The following PROC variants were observed in gnomAD, a reference collection of about 807,000 sequenced individuals.
The protein encoded by PROC is vitamin K-dependent protein C.
In PROC, 22 loss-of-function variants were observed where a neutral mutation model predicts 36.3. The ratio of observed to expected loss-of-function variants is 0.61; its 90% CI spans 0.43 to 0.86. PROC has a LOEUF of 0.86. Among genes scored for constraint, PROC ranks in the 40% least tolerant of loss-of-function variants. The probability of loss-of-function intolerance (pLI) is 0.00; values close to 1 mark genes in which losing one functional copy is unlikely to be tolerated. For synonymous variants in PROC, 218 were observed against 244.5 expected, an observed-to-expected ratio of 0.89 and a Z score of 1.01; for missense variants, 526 against 629.7, an observed-to-expected ratio of 0.84 and a Z score of 1.76.
In PROC at chr2:127,428,537, C is replaced by T; in HGVS notation, c.977C>T (p.Ala326Val). The change falls in exon 9 of 9, where the codon GCA (alanine) becomes GTA (valine). Residue 326 changes from alanine (A) to valine (V), a missense_variant. Transcript: ENST00000234071. ...ATCTGCCTCCCGGACAGCGGCCTTG[C>T]AGAGCGCGAGCTCAATCAGGCCGGC... ...VPICLPDSGL[A>V]ERELNQAGQE... The T allele has an allele frequency of 1.2e-6, 2 of 1,613,926 alleles. No individual in the cohort carries two copies. Among genetic ancestry groups the T allele is most frequent in the Non-Finnish European group, 1.7e-6 (2 of 1,180,032 alleles).
chr2:127,419,819 G>A (rs1262676576), intron 1 of PROC, 103 bp from the exon 2 acceptor site: 6 of 1,588,250 alleles, frequency 3.8e-6, no homozygotes, highest in Middle Eastern at 1.7e-4. Context: ...CCGCCCTGAC[G>A]GCCAGCACAC....
chr2:127,425,952 T>G, intron 6 of PROC, 133 bp from the exon 7 acceptor site: 1 of 877,992 alleles, frequency 1.1e-6, no homozygotes, highest in Non-Finnish European at 1.9e-6. Context: ...ATTAATGGAG[T>G]GGTCTAAGTA....
intron 8 of PROC, 23 bp from the exon 9 acceptor site, chr2:127,428,334 T>C (rs1287569191): frequency 6.2e-7 from 1 of 1,611,544 alleles, no homozygotes. Context: ...CAGCCCACTC[T>C]GACTGTGCCC....
rs201463891 is a variant in PROC at position 127,421,410 on chromosome 2, C to T, written c.198C>T (p.Phe66=). The change falls in exon 3 of 9, where the codon TTC becomes TTT. Residue 66 remains phenylalanine (F), a synonymous_variant. Transcript: ENST00000234071. ...ERECIEEICD[F]EEAKEIFQNV... ...AGTGCATAGAGGAGATCTGTGACTT[C>T]GAGGAGGCCAAGGAAATTTTCCAAA... 20 of 1,613,796 alleles carry T rather than the reference C, an allele frequency of 1.2e-5. No individual in the cohort carries two copies. The highest frequency in any genetic ancestry group is 3.3e-5 in the South Asian group (3 of 91,070).
At chr2:127,425,859 G>C (rs1389427542) in intron 6 of PROC, among the ~76,000 whole-genome samples, 1 of 152,174 alleles carries the variant, frequency 6.6e-6, no homozygotes, top group East Asian at 1.9e-4. Context: ...GATGCTGCCT[G>C]GTCTGACTCT....
In PROC at chr2:127,426,212, A is replaced by T. The variant is rs926009782; in HGVS notation, c.663A>T (p.Gly221=). 6.2e-7 allele frequency: 1 copy of T among 1,614,014 alleles called. No individual in the cohort carries two copies. Among genetic ancestry groups the T allele is most frequent in the Non-Finnish European group, 8.5e-7 (1 of 1,180,008 alleles). Residue 221 remains glycine (G), a synonymous_variant, in exon 7 of 9, where the codon GGA becomes GGT. Coordinates refer to ENST00000234071, the MANE Select transcript of PROC (RefSeq NM_000312.4). This position sits in a 1 kb window ranked among gnomAD's most constrained non-coding sequence, Gnocchi z 7.0. ...TTGATGGGAAGATGACCAGGCGGGG[A>T]GACAGCCCCTGGCAGGTGGGAGGCG... The part of the protein sequence containing the change: ...RLIDGKMTRR[G]DSPWQVVLLD...
rs371007615 is a variant in PROC, at chr2:127,428,370, G to A, written c.810G>A (p.Leu270=). The change falls in exon 9 of 9, where the codon CTG becomes CTA. Residue 270 remains leucine (L), a synonymous_variant. Coordinates refer to ENST00000234071, the MANE Select transcript of PROC (RefSeq NM_000312.4). ...KLLVRLGEYD[L]RRWEKWELDL... is the part of the protein sequence containing the mutation. ...TCTGCCCTGCAGGAGAGTATGACCTGCGGCGCTGGGAGAAGTGGGAGCTGG... is the reference window on the plus strand; with the variant it reads ...TCTGCCCTGCAGGAGAGTATGACCTACGGCGCTGGGAGAAGTGGGAGCTGG... 16 of 1,613,910 alleles carry A rather than the reference G, an allele frequency of 9.9e-6. No individual in the cohort carries two copies. In the South Asian group the frequency reaches 1.8e-4, roughly 18 times the overall value.
At chr2:127,419,362 G>A (rs1022646223) in intron 1 of PROC, among the ~76,000 whole-genome samples, 1 of 152,146 alleles carries the variant, frequency 6.6e-6, no homozygotes, top group East Asian at 1.9e-4. Context: ...TGTTTTGAGA[G>A]CTTTATGTGG....
At position 127,429,018 on chromosome 2, in the gene PROC, C is replaced by A. The variant is rs546314105; in HGVS notation, c.*72C>A. Reference sequence around the variant, plus strand: ...ATTAAAGGGACATGTAACAAGCACACCGGCCTGCTGTTCTGTCCTTCCATC... The same window carrying A: ...ATTAAAGGGACATGTAACAAGCACAACGGCCTGCTGTTCTGTCCTTCCATC... On this transcript the variant is annotated 3_prime_UTR_variant, in exon 9 of 9. Transcript: ENST00000234071. 2.0e-5 allele frequency: 30 copies of A among 1,534,530 alleles called. No individual in the cohort carries two copies. In the Admixed American group the frequency reaches 2.4e-4, roughly 12 times the overall value.
intron 6 of PROC, 54 bp downstream of exon 6, chr2:127,423,462 G>A: frequency 6.5e-7 from 1 of 1,533,048 alleles, no homozygotes; most frequent in African/African-American, 1.4e-5. Flanking sequence ...AGGGTGGGCA[G>A]GCCCCCTGAC....
chr2:127,423,823 C>A (rs2069938), intron 6 of PROC, among the ~76,000 whole-genome samples: 1 of 152,242 alleles, frequency 6.6e-6, no homozygotes, highest in South Asian at 2.1e-4. Context: ...CTCTTTACCC[C>A]CTTGCTTCCT....
chr2:127,423,236 C>A (rs1688238769), intron 5 of PROC, 38 bp from the exon 6 acceptor site: 6 of 1,530,182 alleles, frequency 3.9e-6, no homozygotes, highest in South Asian at 1.2e-5. Context: ...GGGGGCGCGG[C>A]ACCAGCACCA....
At position 127,422,896 on chromosome 2, in the gene PROC, C is replaced by T. The variant is rs376231151; in HGVS notation, c.238-21C>T. ...CCGCACACCGGCTGCAGGAGCCTGACGCTGCCCGCTCTCTCCGCAGCTGGC... is the reference window on the plus strand; with the variant it reads ...CCGCACACCGGCTGCAGGAGCCTGATGCTGCCCGCTCTCTCCGCAGCTGGC... On this transcript the variant is annotated intron_variant, in intron 3 of 8. Transcript: ENST00000234071. The T allele has an allele frequency of 8.6e-5, 134 of 1,554,450 alleles. No individual in the cohort carries two copies. In the African/African-American group the frequency reaches 1.6e-3, roughly 19 times the overall value.
intron 3 of PROC, 77 bp downstream of exon 3, chr2:127,421,526 G>A (rs939369547): frequency 3.6e-5 from 55 of 1,548,394 alleles, no homozygotes; most frequent in Non-Finnish European, 4.7e-5. Context: ...GAGCAGGTGG[G>A]GACTCAATGC....
rs1434042239 is a variant in PROC, at chr2:127,423,393, C to T, written c.520C>T (p.Gln174Ter). 3.2e-6 allele frequency: 5 copies of T among 1,550,224 alleles called. No individual in the cohort carries two copies. The highest frequency in any genetic ancestry group is 4.4e-6 in the Non-Finnish European group (5 of 1,147,094). The change falls in exon 6 of 9, where the codon CAG becomes TAG. Residue 174 changes from glutamine (Q) to a stop codon, truncating the protein, a stop_gained. Transcript: ENST00000234071. LOFTEE classifies it high-confidence loss of function. ...CTACAAGCTGGGGGACGACCTCCTGCAGTGTCACCCCGCAGGTGAGAAGCC... is the reference window on the plus strand; with the variant it reads ...CTACAAGCTGGGGGACGACCTCCTGTAGTGTCACCCCGCAGGTGAGAAGCC... ...PGYKLGDDLL[Q>*]CHPAVKFPCG...
rs1688513112 is a variant in PROC, at chr2:127,426,553, G to C, written c.678+326G>C. The C allele has an allele frequency of 4.8e-6, 2 of 414,240 alleles. No individual in the cohort carries two copies. The highest frequency in any genetic ancestry group is 9.1e-6 in the Non-Finnish European group (2 of 220,230). 25.7% of individuals were successfully genotyped at this position (414,240 alleles called of 1,614,324 possible). A position where few individuals can be genotyped will look rare whatever the true frequency, so the allele number is the denominator to read the frequency against. ...CTGATGGGAGAGGGCTAGGAGGGAGGGCCGGGCCTGAGTACCCCTCCAGCC... is the reference window on the plus strand; with the variant it reads ...CTGATGGGAGAGGGCTAGGAGGGAGCGCCGGGCCTGAGTACCCCTCCAGCC... On this transcript the variant is annotated intron_variant, in intron 7 of 8. Coordinates refer to ENST00000234071, the MANE Select transcript of PROC (RefSeq NM_000312.4). The surrounding 1 kb of genome is among the most constrained non-coding windows in gnomAD (Gnocchi z 7.0).
At chr2:127,419,543 C>T (rs1043028109) in intron 1 of PROC, 3 of 344,630 alleles carry the variant, frequency 8.7e-6, no homozygotes, top group Non-Finnish European at 1.7e-5. Flanking sequence ...GGCTTCATGG[C>T]CTGCCCTGTG....
At chr2:127,427,589 C>A (rs946507149) in intron 8 of PROC, among the ~76,000 whole-genome samples, 1 of 152,202 alleles carries the variant, frequency 6.6e-6, no homozygotes, top group Non-Finnish European at 1.5e-5. Context: ...AGGGCTGTGC[C>A]TCCCACAGAC....
chr2:127,423,206 G>A (rs767344439), intron 5 of PROC, 35 bp downstream of exon 5: 75 of 1,518,192 alleles, frequency 4.9e-5, no homozygotes, highest in Non-Finnish European at 5.7e-5. Flanking sequence ...CGGGCGGCGG[G>A]GCGGGGCTGG....
Sources: allele counts gnomAD v4.1 joint callset (sites outside exome capture counted in the v4.1 genomes callset), GRCh38; gene constraint gnomAD v4.1.1; non-coding constraint Gnocchi (gnomAD v3.1); transcripts MANE v1.5; gene names NCBI Gene and HGNC (gene_info 2026-07-23, HGNC 2026-07-21).